IL1RAPL2: variants seen among roughly 807,000 people sequenced by gnomAD.
IL1RAPL2 encodes interleukin 1 receptor accessory protein like 2.
In IL1RAPL2, 3 loss-of-function variants were observed where a neutral mutation model predicts 44.1. That is an observed-to-expected ratio of 0.07 (90% confidence interval 0.03 to 0.18). The LOEUF (loss-of-function observed/expected upper bound fraction) is 0.18, where lower values mean the gene tolerates loss of function less well. IL1RAPL2 is among the 10% of genes least tolerant of loss of function. The probability of loss-of-function intolerance (pLI) is 1.00; values close to 1 mark genes in which losing one functional copy is unlikely to be tolerated. For missense variants in IL1RAPL2, 391 were observed against 496.4 expected (o/e 0.79, Z 2.02); for synonymous variants, 181 against 178.8 (o/e 1.01, Z -0.10).
intron 5 of IL1RAPL2, among the ~76,000 whole-genome samples, chrX:105,342,000 T>C (rs1242480126): frequency 9.1e-6 from 1 of 109,726 alleles, no homozygotes; most frequent in African/African-American, 3.3e-5. Flanking sequence ...TGAGTTCATG[T>C]CCTTTGCAGG....
intron 2 of IL1RAPL2, among the ~76,000 whole-genome samples, chrX:104,892,237 G>C (rs1928715573): frequency 9.0e-6 from 1 of 111,708 alleles, no homozygotes; most frequent in African/African-American, 3.3e-5. Flanking sequence ...GTTCATCAAG[G>C]ATATTGGTCT....
chrX:105,486,738 C>A (rs886577247), intron 6 of IL1RAPL2, among the ~76,000 whole-genome samples: 3 of 107,769 alleles, frequency 2.8e-5, no homozygotes, highest in Non-Finnish European at 5.8e-5. Context: ...ATATCTATAT[C>A]TATCTATCTA....
intron 2 of IL1RAPL2, among the ~76,000 whole-genome samples, chrX:104,719,280 ATG>A (rs1408036272): frequency 1.8e-5 from 2 of 112,108 alleles, no homozygotes; most frequent in African/African-American, 6.5e-5. Flanking sequence ...ATGCATATAA[ATG>A]TATTGGTTCA....
intron 2 of IL1RAPL2, among the ~76,000 whole-genome samples, chrX:105,034,737 A>G (rs369105581): frequency 8.9e-6 from 1 of 112,095 alleles, no homozygotes; most frequent in Non-Finnish European, 1.9e-5. Flanking sequence ...CTCCAGCTGC[A>G]TGCTGGGAGA....
At chrX:104,888,326 G>T (rs1203009378) in intron 2 of IL1RAPL2, among the ~76,000 whole-genome samples, 6 of 109,789 alleles carry the variant, frequency 5.5e-5, no homozygotes, top group Non-Finnish European at 9.5e-5. Flanking sequence ...GAGTCAGAGA[G>T]AGAGAGAGAG....
chrX:105,206,867 CTT>C (rs2033768419), intron 3 of IL1RAPL2, among the ~76,000 whole-genome samples: 1 of 111,796 alleles, frequency 8.9e-6, no homozygotes, highest in African/African-American at 3.2e-5. Flanking sequence ...TTAAATGGCT[CTT>C]TTTGTCTGTT....
chrX:104,906,379 T>C (rs945415740), intron 2 of IL1RAPL2, among the ~76,000 whole-genome samples: 1 of 110,905 alleles, frequency 9.0e-6, no homozygotes, highest in African/African-American at 3.3e-5. Context: ...CCCTGTCTTG[T>C]GCCTGTTTTC....
intron 2 of IL1RAPL2, among the ~76,000 whole-genome samples, chrX:104,731,923 A>C (rs1931927408): frequency 8.9e-6 from 1 of 112,053 alleles, no homozygotes; most frequent in Admixed American, 9.5e-5. Flanking sequence ...ACTGTGTACT[A>C]GGTGACAAAT....
intron 2 of IL1RAPL2, among the ~76,000 whole-genome samples, chrX:104,999,425 C>G (rs1230125463): frequency 2.7e-5 from 3 of 111,299 alleles, no homozygotes; most frequent in Non-Finnish European, 5.7e-5. Context: ...AGGAACATCT[C>G]TAGGCAATGT....
chrX:105,061,508 T>A (rs1231583083), intron 2 of IL1RAPL2, among the ~76,000 whole-genome samples: 1 of 112,229 alleles, frequency 8.9e-6, no homozygotes, highest in Non-Finnish European at 1.9e-5. Context: ...AAATAATGCA[T>A]ATTCTGCAGC....
chrX:105,709,980 A>ATCT (rs2038195356), intron 6 of IL1RAPL2, among the ~76,000 whole-genome samples: 1 of 111,300 alleles, frequency 9.0e-6, no homozygotes, highest in Non-Finnish European at 1.9e-5. Flanking sequence ...TGATTGAGCC[A>ATCT]ATTGTGTACC....
chrX:105,722,980 C>A (rs187219892), intron 7 of IL1RAPL2, among the ~76,000 whole-genome samples: 3 of 111,164 alleles, frequency 2.7e-5, no homozygotes, highest in Non-Finnish European at 5.6e-5. Flanking sequence ...TTAACACACT[C>A]TTTCATTCTT....
In IL1RAPL2 at chrX:105,511,959, A is replaced by C. The variant is rs771383911; in HGVS notation, c.772+27572A>C. 2.1e-4 allele frequency among the ~76,000 whole-genome samples: 19 copies of C among 91,474 alleles called. No individual in the cohort carries two copies. In the South Asian group the frequency reaches 6.5e-3, roughly 31 times the overall value. 79.4% of individuals were successfully genotyped at this position (91,474 alleles called of 115,157 possible). A position where few individuals can be genotyped will look rare whatever the true frequency, so the allele number is the denominator to read the frequency against. ...GTGGTTGGCTCCTTGAGTAATACCT[A>C]AGAGAGACTAAAAACTTGAGTAAGC... On this transcript the variant is annotated intron_variant, in intron 6 of 10. Transcript: ENST00000372582.
At chrX:105,101,271 G>C (rs575630488) in intron 2 of IL1RAPL2, among the ~76,000 whole-genome samples, 64 of 111,878 alleles carry the variant, frequency 5.7e-4, no homozygotes, top group African/African-American at 2.1e-3. Context: ...ATTAAACTGG[G>C]ATAAGTCAAG....
chrX:105,227,333 T>C (rs188872598), intron 3 of IL1RAPL2, among the ~76,000 whole-genome samples: 1 of 112,335 alleles, frequency 8.9e-6, no homozygotes, highest in East Asian at 2.8e-4. Flanking sequence ...AAACCTATTA[T>C]ATTGACATAT....
chrX:105,281,371 A>G (rs768045010), intron 5 of IL1RAPL2, among the ~76,000 whole-genome samples: 2 of 111,698 alleles, frequency 1.8e-5, no homozygotes, highest in African/African-American at 6.5e-5. Context: ...GTGTATACCT[A>G]TGTAACAAAA....
At chrX:104,676,260 G>T (rs902233499) in intron 2 of IL1RAPL2, among the ~76,000 whole-genome samples, 20 of 111,434 alleles carry the variant, frequency 1.8e-4, no homozygotes, top group African/African-American at 5.2e-4. Context: ...TCCATGTTTA[G>T]TGCTTCCTTC....
chrX:104,903,551 TC>T (rs760903337), intron 2 of IL1RAPL2, among the ~76,000 whole-genome samples: 2 of 111,137 alleles, frequency 1.8e-5, no homozygotes, highest in South Asian at 7.6e-4. Flanking sequence ...CCCTTTGAGG[TC>T]AGTTGTAGTA....
At chrX:105,749,612 A>G (rs752214745) in intron 9 of IL1RAPL2, among the ~76,000 whole-genome samples, 1 of 112,263 alleles carries the variant, frequency 8.9e-6, no homozygotes, top group Non-Finnish European at 1.9e-5. Flanking sequence ...ATGTATCTAC[A>G]TATTTTGAAT....
Sources: allele counts gnomAD v4.1 joint callset (sites outside exome capture counted in the v4.1 genomes callset), GRCh38; gene constraint gnomAD v4.1.1; transcripts MANE v1.5; gene names NCBI Gene and HGNC (gene_info 2026-07-23, HGNC 2026-07-21).